NCKAP5: variants seen among roughly 807,000 people sequenced by gnomAD.
The protein encoded by NCKAP5 is nck-associated protein 5.
In NCKAP5, 92 loss-of-function variants were observed where a neutral mutation model predicts 167.0. The ratio of observed to expected loss-of-function variants is 0.55; its 90% CI spans 0.47 to 0.66. The LOEUF (loss-of-function observed/expected upper bound fraction) is 0.66, where lower values mean the gene tolerates loss of function less well. Ranked by LOEUF, NCKAP5 falls within the 30% of genes least tolerant of loss-of-function variation. The probability of loss-of-function intolerance (pLI) is 0.00; values close to 1 mark genes in which losing one functional copy is unlikely to be tolerated. For synonymous variants in NCKAP5, 891 were observed against 877.4 expected, an observed-to-expected ratio of 1.02 and a Z score of -0.27; for missense variants, 2,378 against 2,315.0, an observed-to-expected ratio of 1.03 and a Z score of -0.56.
Position 132,784,509 on chromosome 2 carries a change from G to A in NCKAP5, c.2302C>T (p.Pro768Ser), listed in dbSNP as rs760843370. The change falls in exon 14 of 20, where the codon CCT (proline) becomes TCT (serine). Residue 768 changes from proline to serine, a missense_variant. Around this residue, in one of 3 missense-constraint regions of NCKAP5, gnomAD observed 1,049 missense variants for 1,023.4 expected, o/e 1.02. Transcript: ENST00000409261. ...SFSSRTVTQN[P>S]QQQKLVKPTH... is the part of the protein sequence containing the mutation. ...GGTTTGACCAGCTTTTGCTGCTGAG[G>A]ATTTTGTGTCACTGTCCTGGAGCTG... The A allele has an allele frequency of 8.4e-5, 132 of 1,569,540 alleles. No homozygotes were observed. Among genetic ancestry groups the A allele is most frequent in the Non-Finnish European group, 1.1e-4 (128 of 1,158,792 alleles).
At chr2:132,997,804 G>A (rs1041017780) in intron 6 of NCKAP5, among the ~76,000 whole-genome samples, 1 of 148,406 alleles carries the variant, frequency 6.7e-6, no homozygotes, top group South Asian at 2.1e-4. Context: ...AAGCTTATGT[G>A]AAAAAAAAAA....
chr2:133,174,086 C>G (rs1451353711), intron 5 of NCKAP5, among the ~76,000 whole-genome samples: 1 of 152,106 alleles, frequency 6.6e-6, no homozygotes, highest in Non-Finnish European at 1.5e-5. Context: ...ATCTCTGTTC[C>G]AGCATCCTAT....
chr2:133,223,419 C>T (rs556015410), intron 4 of NCKAP5, among the ~76,000 whole-genome samples: 1 of 152,214 alleles, frequency 6.6e-6, no homozygotes, highest in Admixed American at 6.5e-5. Context: ...AGTCACCCGC[C>T]GCAGAGGCCA....
chr2:133,623,589 A>T, the NCKAP5 span, among the ~76,000 whole-genome samples: 1 of 152,080 alleles, frequency 6.6e-6, no homozygotes, highest in Non-Finnish European at 1.5e-5. Context: ...GCAAATCAAA[A>T]CCACAATGCA....
chr2:133,657,400 A>G, the NCKAP5 span, among the ~76,000 whole-genome samples: 1 of 152,226 alleles, frequency 6.6e-6, no homozygotes, highest in Admixed American at 6.5e-5. Flanking sequence ...GTTACTGTCC[A>G]AGATGAAAGT....
the NCKAP5 span, among the ~76,000 whole-genome samples, chr2:133,600,139 T>C: frequency 3.3e-5 from 5 of 152,202 alleles, no homozygotes; most frequent in Admixed American, 6.5e-5. Flanking sequence ...AAAGGCCAAC[T>C]TGAAAAAGCT....
chr2:133,567,112 C>A (rs6710186), intron 1 of NCKAP5, among the ~76,000 whole-genome samples: 29,054 of 152,100 alleles, frequency 0.19, 3,010 homozygotes, highest in Non-Finnish European at 0.22. Context: ...GGTTCACATG[C>A]GGAGCTAACA....
At chr2:133,481,660 C>G (rs1680448244) in intron 3 of NCKAP5, among the ~76,000 whole-genome samples, 1 of 152,132 alleles carries the variant, frequency 6.6e-6, no homozygotes, top group Non-Finnish European at 1.5e-5. Context: ...ATTTAGCTCC[C>G]ACTTATAAGT....
intron 5 of NCKAP5, among the ~76,000 whole-genome samples, chr2:133,134,583 G>T (rs1281506731): frequency 1.3e-5 from 2 of 152,192 alleles, no homozygotes; most frequent in African/African-American, 2.4e-5. Flanking sequence ...TTCCTATTTG[G>T]ACATGAGCAA....
At chr2:133,502,826 TGAATGAAA>T (rs1353242871) in intron 3 of NCKAP5, among the ~76,000 whole-genome samples, 2 of 152,214 alleles carry the variant, frequency 1.3e-5, no homozygotes, top group Non-Finnish European at 2.9e-5. Flanking sequence ...GAACGTGTGA[TGAATGAAA>T]GAATGAATGA....
chr2:133,435,657 GT>G (rs914699968), intron 3 of NCKAP5, among the ~76,000 whole-genome samples: 9 of 152,124 alleles, frequency 5.9e-5, no homozygotes, highest in African/African-American at 2.2e-4. Context: ...GCCTACAAAG[GT>G]TTTAGTTAAA....
chr2:132,916,269 CA>C (rs1450447614), intron 8 of NCKAP5, among the ~76,000 whole-genome samples: 1 of 151,902 alleles, frequency 6.6e-6, no homozygotes, highest in African/African-American at 2.4e-5. Flanking sequence ...ATAGACTGAC[CA>C]CAGAATTTAT....
At chr2:132,730,434 G>A (rs139791869) in intron 17 of NCKAP5, among the ~76,000 whole-genome samples, 143 of 152,344 alleles carry the variant, frequency 9.4e-4, no homozygotes, top group African/African-American at 3.3e-3. Flanking sequence ...AGTGGAGGTT[G>A]CAGAGAGCCA....
intron 5 of NCKAP5, among the ~76,000 whole-genome samples, chr2:133,131,154 A>G (rs16857050): frequency 0.04 from 6,084 of 152,306 alleles, 373 homozygotes; most frequent in African/African-American, 0.14. Context: ...CTCATGAGAA[A>G]AAAGGCATTC....
In NCKAP5 at chr2:133,466,470, T is replaced by A. The variant is rs533198735; in HGVS notation, c.69+50988A>T. ...ATGCCTCCAGCTTTGTTCTTTTGGC[T>A]TAGGATTGACTTGGCGATGCGGGCT... On this transcript the variant is annotated intron_variant, in intron 3 of 19. Coordinates refer to ENST00000409261, the MANE Select transcript of NCKAP5 (RefSeq NM_207363.3). 3.3e-4 allele frequency among the ~76,000 whole-genome samples: 49 copies of A among 148,712 alleles called. 1 individual carries two copies. Among genetic ancestry groups the A allele is most frequent in the African/African-American group, 1.2e-3 (49 of 40,308 alleles).
chr2:132,769,302 A>G (rs1236935808), intron 16 of NCKAP5, among the ~76,000 whole-genome samples: 1 of 152,162 alleles, frequency 6.6e-6, no homozygotes, highest in African/African-American at 2.4e-5. Context: ...TTAAACTAAC[A>G]TGATTACCCT....
At chr2:132,875,514 C>T (rs1691194638) in intron 9 of NCKAP5, among the ~76,000 whole-genome samples, 2 of 152,200 alleles carry the variant, frequency 1.3e-5, no homozygotes, top group African/African-American at 4.8e-5. Flanking sequence ...GTGCCGTGAA[C>T]TCAGGGCCTG....
intron 6 of NCKAP5, among the ~76,000 whole-genome samples, chr2:133,083,672 A>C (rs1422331665): frequency 6.6e-6 from 1 of 152,160 alleles, no homozygotes; most frequent in Non-Finnish European, 1.5e-5. Context: ...TGCAGGGAGT[A>C]CAATATACAA....
chr2:132,945,882 T>C (rs60680548), intron 8 of NCKAP5, among the ~76,000 whole-genome samples: 2 of 152,212 alleles, frequency 1.3e-5, no homozygotes, highest in Non-Finnish European at 2.9e-5. Flanking sequence ...TACTCATTTC[T>C]ACCATGCTGC....
Sources: allele counts gnomAD v4.1 joint callset (sites outside exome capture counted in the v4.1 genomes callset), GRCh38; gene constraint gnomAD v4.1.1; regional missense constraint gnomAD v4.1.1; transcripts MANE v1.5; gene names NCBI Gene and HGNC (gene_info 2026-07-23, HGNC 2026-07-21).